Variants in GNPDA2 observed in about 807,000 individuals in gnomAD.
The protein encoded by GNPDA2 is glcN6P deaminase 2.
GNPDA2 carries 24 observed loss-of-function variants against 27.0 expected under a neutral mutation model. The ratio of observed to expected loss-of-function variants is 0.89; its 90% CI spans 0.64 to 1.25. The LOEUF is 1.25. Ranked by LOEUF, GNPDA2 falls within the 50% of genes most tolerant of loss-of-function variation. The pLI, the probability that GNPDA2 is intolerant of heterozygous loss-of-function variation, is 0.00. For synonymous variants in GNPDA2, 94 were observed against 108.4 expected (o/e 0.87, Z 0.83); for missense variants, 286 against 335.1 (o/e 0.85, Z 1.14).
chr4:44,722,023 A>G (rs1257031903), intron 2 of GNPDA2, 61 bp downstream of exon 2: 1 of 1,285,086 alleles, frequency 7.8e-7, no homozygotes, highest in African/African-American at 1.5e-5. Context: ...AAACCCTTCA[A>G]TTCCATCAGA....
In GNPDA2 at chr4:44,702,744, A is replaced by T. The variant is rs1368791705; in HGVS notation, c.*337T>A. The T allele has an allele frequency of 1.8e-6, 2 of 1,109,136 alleles. No individual in the cohort carries two copies. Among genetic ancestry groups the T allele is most frequent in the Admixed American group, 1.1e-4 (2 of 18,404 alleles). 68.7% of individuals were successfully genotyped at this position (1,109,136 alleles called of 1,614,324 possible). A position where few individuals can be genotyped will look rare whatever the true frequency, so the allele number is the denominator to read the frequency against. ...GTCATTAAAAAATGAAATATACGCC[A>T]CTGGAGTCATATCACAAATGGTGCC... On this transcript the variant is annotated 3_prime_UTR_variant, in exon 7 of 7. Coordinates refer to ENST00000295448, the MANE Select transcript of GNPDA2 (RefSeq NM_138335.3).
chr4:44,711,535 A>G (rs1299188860), intron 4 of GNPDA2, among the ~76,000 whole-genome samples: 1 of 152,142 alleles, frequency 6.6e-6, no homozygotes, highest in African/African-American at 2.4e-5. Context: ...CTCAAGAAAA[A>G]TAAGTGACTT....
chr4:44,712,247 T>A (rs1372280267), intron 4 of GNPDA2, among the ~76,000 whole-genome samples: 2 of 152,154 alleles, frequency 1.3e-5, no homozygotes, highest in Non-Finnish European at 2.9e-5. Flanking sequence ...CTTGAGTCAT[T>A]AAAATATCTT....
intron 4 of GNPDA2, among the ~76,000 whole-genome samples, chr4:44,713,234 G>C (rs554081498): frequency 4.6e-5 from 7 of 152,236 alleles, no homozygotes; most frequent in African/African-American, 1.7e-4. Context: ...CTGTGGTCTA[G>C]AGATAAGCAC....
rs575567528 is a variant in GNPDA2 at position 44,701,958 on chromosome 4, C to T, written c.*1123G>A. 1 of 984,846 alleles carries T rather than the reference C, an allele frequency of 1.0e-6. No homozygotes were observed. The highest frequency in any genetic ancestry group is 1.2e-6 in the Non-Finnish European group (1 of 829,566). The allele number at this position is 984,846 out of a possible 1,614,324, so 61.0% of individuals were successfully genotyped here. A position where few individuals can be genotyped will look rare whatever the true frequency, so the allele number is the denominator to read the frequency against. On this transcript the variant is annotated 3_prime_UTR_variant, in exon 7 of 7. Coordinates refer to ENST00000295448, the MANE Select transcript of GNPDA2 (RefSeq NM_138335.3). Reference sequence around the variant, plus strand: ...AAGCAGATAAGTAAGGCTTCTTCTACCAGGTGGGCTTATGAAATGCAAAAT... The same window carrying T: ...AAGCAGATAAGTAAGGCTTCTTCTATCAGGTGGGCTTATGAAATGCAAAAT...
chr4:44,703,448 A>C (rs1295660616), intron 6 of GNPDA2: 15 of 1,095,976 alleles, frequency 1.4e-5, no homozygotes, highest in Non-Finnish European at 1.7e-5. Context: ...TTGAATACTG[A>C]CTTAGATAAT....
chr4:44,711,066 T>G lies in GNPDA2; in HGVS notation c.481A>C (p.Thr161Pro), dbSNP rs1716946747. Residue 161 changes from threonine to proline, a missense_variant, in exon 5 of 7, where the codon ACT becomes CCT. Transcript: ENST00000295448. ...GCCAAGATGGTATCCATTGCTAGAG[T>G]CTTTAATCTTGTCCTTGACACTAAA... ...SSLVSRTRLK[T>P]LAMDTILANA... The G allele has an allele frequency of 1.2e-6, 2 of 1,612,844 alleles. No individual in the cohort carries two copies. Among genetic ancestry groups the G allele is most frequent in the Non-Finnish European group, 1.7e-6 (2 of 1,179,482 alleles).
intron 4 of GNPDA2, among the ~76,000 whole-genome samples, chr4:44,713,833 T>A (rs531207341): frequency 6.6e-6 from 1 of 151,994 alleles, no homozygotes; most frequent in Non-Finnish European, 1.5e-5. Context: ...TAAGCCAAGA[T>A]CAAGCCACTG....
At chr4:44,703,547 TCTCA>T in intron 6 of GNPDA2, 2 of 995,462 alleles carry the variant, frequency 2.0e-6, no homozygotes, top group Non-Finnish European at 2.4e-6. Context: ...AGAACTGCTG[TCTCA>T]CTCTTAATAC....
chr4:44,706,394 A>C (rs1716608679), intron 6 of GNPDA2: 1 of 152,004 alleles, frequency 6.6e-6, no homozygotes, highest in Admixed American at 6.6e-5. Flanking sequence ...TTAGTAAAAC[A>C]GGAAAATGCT....
At chr4:44,719,881 T>C (rs779679636) in intron 2 of GNPDA2, among the ~76,000 whole-genome samples, 8 of 152,092 alleles carry the variant, frequency 5.3e-5, no homozygotes, top group South Asian at 2.1e-4. Context: ...CCTACTATGA[T>C]TTATATAAAA....
chr4:44,713,324 T>C (rs7670601), intron 4 of GNPDA2, among the ~76,000 whole-genome samples: 80,630 of 152,024 alleles, frequency 0.53, 22,775 homozygotes, highest in Non-Finnish European at 0.64. Context: ...GACAGCATGG[T>C]GAACTGAAGC....
In GNPDA2 at chr4:44,711,095, G is replaced by C; in HGVS notation, c.452C>G (p.Ser151Cys). The C allele has an allele frequency of 6.2e-7, 1 of 1,609,662 alleles. No individual in the cohort carries two copies. The highest frequency in any genetic ancestry group is 8.5e-7 in the Non-Finnish European group (1 of 1,178,448). ...DGHIAFNEPG[S>C]SLVSRTRLKT... ...TAATCTTGTCCTTGACACTAAACTG[G>C]ATCCAGGCTCATTGAAAGCGATATG... Residue 151 changes from serine (S) to cysteine (C), a missense_variant, in exon 5 of 7, where the codon TCC becomes TGC. By Grantham distance (112) the Ser-to-Cys change is moderately radical (BLOSUM62 -1). Transcript: ENST00000295448.
rs1660259939 is a variant in GNPDA2, at chr4:44,722,148, G to C, written c.60C>G (p.Ile20Met). 3.7e-6 allele frequency: 6 copies of C among 1,613,250 alleles called. No individual in the cohort carries two copies. Among genetic ancestry groups the C allele is most frequent in the Non-Finnish European group, 5.1e-6 (6 of 1,179,292 alleles). Reference protein sequence around the residue: ...DLASEWAAKYICNRIIQFKPG... With the variant: ...DLASEWAAKYMCNRIIQFKPG... The stretch of plus-strand genomic sequence containing the variant: ...GTTTGAACTGAATGATGCGATTACA[G>C]ATGTATTTGGCTGCCCATTCACTAG... Residue 20 changes from isoleucine (I) to methionine (M), a missense_variant, in exon 2 of 7, where the codon ATC becomes ATG. Ile to Met is a conservative substitution (Grantham distance 10). Coordinates refer to ENST00000295448, the MANE Select transcript of GNPDA2 (RefSeq NM_138335.3).
At chr4:44,704,068 CA>C (rs1412359602) in intron 6 of GNPDA2, 2 of 985,038 alleles carry the variant, frequency 2.0e-6, no homozygotes, top group East Asian at 2.3e-4. Context: ...AGAAAGGCTG[CA>C]AAAAGGACTC....
intron 5 of GNPDA2, among the ~76,000 whole-genome samples, chr4:44,709,560 T>TA (rs957618565): frequency 1.7e-4 from 26 of 152,292 alleles, no homozygotes; most frequent in African/African-American, 5.5e-4. Flanking sequence ...GTTGCATTGA[T>TA]ACAGCTTTTT....
At chr4:44,725,277 T>G (rs991043711) in intron 1 of GNPDA2, among the ~76,000 whole-genome samples, 6 of 152,172 alleles carry the variant, frequency 3.9e-5, no homozygotes, top group African/African-American at 1.4e-4. Flanking sequence ...TACGAGAAGT[T>G]TATTGCTGAC....
chr4:44,722,959 T>C (rs1717773281), intron 1 of GNPDA2, among the ~76,000 whole-genome samples: 1 of 152,142 alleles, frequency 6.6e-6, no homozygotes, highest in South Asian at 2.1e-4. Context: ...ACACTAGACA[T>C]GTTATTTTTA....
At chr4:44,721,891 C>G (rs983336514) in intron 2 of GNPDA2, among the ~76,000 whole-genome samples, 193 bp downstream of exon 2, 21 of 152,198 alleles carry the variant, frequency 1.4e-4, no homozygotes, top group African/African-American at 3.9e-4. Flanking sequence ...TAAATTTTGG[C>G]ACAAGAACTA....
Sources: allele counts gnomAD v4.1 joint callset (sites outside exome capture counted in the v4.1 genomes callset), GRCh38; gene constraint gnomAD v4.1.1; transcripts MANE v1.5; gene names NCBI Gene and HGNC (gene_info 2026-07-23, HGNC 2026-07-21).